The following SOD2 variants were observed in gnomAD, a reference collection of about 807,000 sequenced individuals.
SOD2 encodes the protein superoxide dismutase [Mn], mitochondrial.
Under a neutral mutation model 27.0 loss-of-function variants are expected in SOD2, and 11 were observed. The observed-to-expected ratio is 0.41, with a 90% CI of 0.26 to 0.67. SOD2 has a LOEUF of 0.67. Among genes scored for constraint, SOD2 ranks in the 30% least tolerant of loss-of-function variants. The probability of loss-of-function intolerance (pLI) is 0.34; values close to 1 mark genes in which losing one functional copy is unlikely to be tolerated. For synonymous variants in SOD2, 105 were observed against 103.0 expected, an observed-to-expected ratio of 1.02 and a Z score of -0.12; for missense variants, 250 against 274.5, an observed-to-expected ratio of 0.91 and a Z score of 0.63.
chr6:159,713,670 T>C (rs894149829), intron 1 of SOD2: 19 of 971,116 alleles, frequency 2.0e-5, no homozygotes, highest in Non-Finnish European at 2.9e-5. Context: ...GAAGCCATCG[T>C]TGGCAGTATC....
intron 1 of SOD2, among the ~76,000 whole-genome samples, chr6:159,735,222 C>T (rs1325309261): frequency 6.6e-6 from 1 of 152,174 alleles, no homozygotes; most frequent in Non-Finnish European, 1.5e-5. Context: ...CTCACTGCAA[C>T]CTCCGCCTCC....
Position 159,683,555 on chromosome 6 carries a change from A to T in SOD2, c.524-917T>A, listed in dbSNP as rs150433028. Among the ~76,000 whole-genome samples the T allele has an allele frequency of 6.6e-5, 10 of 152,300 alleles. 1 individual carries two copies. In the East Asian group the frequency reaches 1.9e-3, roughly 29 times the overall value. On this transcript the variant is annotated intron_variant, in intron 4 of 4. Transcript: ENST00000538183. ...AACAATTCTTAACCAGTATGTCTTG[A>T]TCAGTTGTGAGGGAGGTCACTAGTA...
At chr6:159,753,364 T>G in intron 1 of SOD2, 2 of 1,529,336 alleles carry the variant, frequency 1.3e-6, no homozygotes, top group Non-Finnish European at 1.8e-6. Flanking sequence ...GTGATATAGT[T>G]ATGTTTGTAT....
upstream of SOD2, among the ~76,000 whole-genome samples, chr6:159,728,263 T>G (rs1455323094): frequency 6.6e-6 from 1 of 152,184 alleles, no homozygotes; most frequent in Non-Finnish European, 1.5e-5. Context: ...GTGAGACAGT[T>G]ACTAGATTTT....
chr6:159,692,816 T>G lies in SOD2; in HGVS notation c.71A>C (p.Gln24Pro). The change falls in exon 2 of 5, where the codon CAG becomes CCG. Residue 24 changes from glutamine to proline, a missense_variant. Physicochemically the swap from Gln to Pro is moderately conservative, Grantham distance 76 (BLOSUM62 -1). Transcript: ENST00000538183. ...GGGCAGGTCGGGGAGGCTGTGCTTC[T>G]GCCTGGAGCCCAGATACCCCAAAAC... The part of the protein sequence containing the change: ...APVLGYLGSR[Q>P]KHSLPDLPYD... 1 of 1,613,804 alleles carries G rather than the reference T, an allele frequency of 6.2e-7. No homozygotes were observed. Among genetic ancestry groups the G allele is most frequent in the Non-Finnish European group, 8.5e-7 (1 of 1,179,956 alleles).
At chr6:159,725,286 G>T (rs113846311) in intron 1 of SOD2, among the ~76,000 whole-genome samples, 2 of 152,212 alleles carry the variant, frequency 1.3e-5, no homozygotes, top group African/African-American at 4.8e-5. Flanking sequence ...TTCCAGACCA[G>T]CCTGGCCAAC....
intron 1 of SOD2, chr6:159,755,301 G>C: frequency 6.2e-7 from 1 of 1,614,250 alleles, no homozygotes; most frequent in South Asian, 1.1e-5. Flanking sequence ...GGATTTCACA[G>C]GGAGGGCAAC....
Position 159,700,652 on chromosome 6 carries a change from C to CA in SOD2, c.-115-7790dup, listed in dbSNP as rs11294344. On this transcript the variant is annotated intron_variant, in intron 1 of 2. Coordinates refer to the SOD2 transcript ENST00000401980. ...CTTGGTGACGTGCGAGACTCTGTCT[C>CA]AAAAAAAAAAAAAAAAAATCAATGC... Among the ~76,000 whole-genome samples the CA allele has an allele frequency of 2.8e-3, 340 of 122,150 alleles. 2 individuals carry two copies. Among genetic ancestry groups the CA allele is most frequent in the South Asian group, 6.8e-3 (25 of 3,692 alleles). 80.1% of individuals were successfully genotyped at this position (122,150 alleles called of 152,430 possible). A position where few individuals can be genotyped will look rare whatever the true frequency, so the allele number is the denominator to read the frequency against.
intron 1 of SOD2, among the ~76,000 whole-genome samples, chr6:159,733,619 C>CA (rs572744439): frequency 0.06 from 6,711 of 112,232 alleles, 231 homozygotes; most frequent in African/African-American, 0.11. Flanking sequence ...GAGACTGTCT[C>CA]AAAAAAAAAA....
In SOD2 at chr6:159,674,116, C is replaced by T. The variant is rs887923746; in HGVS notation, c.*8377G>A. On this transcript the variant is annotated 3_prime_UTR_variant, in exon 5 of 5. Coordinates refer to ENST00000538183, the MANE Select transcript of SOD2 (RefSeq NM_000636.4). ...GAGGCAATAATTAATAGCCTACCAACCAAAAAAAGTCCAGGACAAGATGGA... is the reference window on the plus strand; with the variant it reads ...GAGGCAATAATTAATAGCCTACCAATCAAAAAAAGTCCAGGACAAGATGGA... 1 of 152,080 alleles carries T rather than the reference C, an allele frequency of 6.6e-6. No homozygotes were observed. The highest frequency in any genetic ancestry group is 1.5e-5 in the Non-Finnish European group (1 of 68,018). The allele number at this position is 152,080 out of a possible 1,614,324, so 9.4% of individuals were successfully genotyped here.
At chr6:159,712,395 CACTCACACT>C (rs1777825225) in intron 1 of SOD2, among the ~76,000 whole-genome samples, 1 of 116,244 alleles carries the variant, frequency 8.6e-6, no homozygotes, top group Non-Finnish European at 2.0e-5. Flanking sequence ...CCATAACCAC[CACTCACACT>C]GCTCTGATCA....
chr6:159,728,882 C>G (rs184371646), upstream of SOD2, among the ~76,000 whole-genome samples: 1 of 152,246 alleles, frequency 6.6e-6, no homozygotes, highest in East Asian at 1.9e-4. Flanking sequence ...AGTACTTTTT[C>G]ATTGGCAGAA....
upstream of SOD2, among the ~76,000 whole-genome samples, chr6:159,727,925 G>T (rs1015938272): frequency 6.6e-6 from 1 of 152,364 alleles, no homozygotes; most frequent in African/African-American, 2.4e-5. Context: ...CCAAGGCCCG[G>T]GTTGAGAGGG....
upstream of SOD2, among the ~76,000 whole-genome samples, chr6:159,694,761 A>AC (rs1777386560): frequency 7.1e-6 from 1 of 140,538 alleles, no homozygotes; most frequent in African/African-American, 2.6e-5. Flanking sequence ...ACGCCCCACT[A>AC]TTTTTTTTTT....
At chr6:159,756,539 C>T (rs1413369829) in intron 1 of SOD2, among the ~76,000 whole-genome samples, 3 of 138,056 alleles carry the variant, frequency 2.2e-5, no homozygotes, top group African/African-American at 7.9e-5. Context: ...ATAATTGTTA[C>T]AAAATATTTT....
At position 159,672,684 on chromosome 6, in the gene SOD2, C is replaced by T. The variant is rs567174321; in HGVS notation, c.*9809G>A. ...TGAGGCTAGGAAGAAACTGCATCAA[C>T]TAACGAGCAAAATAACCAGTGAACA... On this transcript the variant is annotated 3_prime_UTR_variant, in exon 5 of 5. Transcript: ENST00000538183. 1 of 152,170 alleles carries T rather than the reference C, an allele frequency of 6.6e-6. No homozygotes were observed. The highest frequency in any genetic ancestry group is 2.4e-5 in the African/African-American group (1 of 41,436). 9.4% of individuals were successfully genotyped at this position (152,170 alleles called of 1,614,324 possible). A position where few individuals can be genotyped will look rare whatever the true frequency, so the allele number is the denominator to read the frequency against.
At chr6:159,755,445 C>T in intron 1 of SOD2, 2 of 1,613,960 alleles carry the variant, frequency 1.2e-6, no homozygotes, top group Non-Finnish European at 1.7e-6. Context: ...GTAGACTCTC[C>T]CACGGGCAGT....
At chr6:159,699,361 A>G (rs937012737) in intron 1 of SOD2, among the ~76,000 whole-genome samples, 1 of 152,148 alleles carries the variant, frequency 6.6e-6, no homozygotes. Flanking sequence ...TCCCTTCACA[A>G]TGGCCCAGCT....
chr6:159,742,420 ACTT>A (rs1485289313), intron 1 of SOD2, among the ~76,000 whole-genome samples: 2 of 152,186 alleles, frequency 1.3e-5, no homozygotes, highest in Non-Finnish European at 2.9e-5. Flanking sequence ...ACTCAGAACT[ACTT>A]GAAACTTTTC....
Sources: gnomAD v4.1 joint callset for allele counts (sites outside exome capture counted in the v4.1 genomes callset) on GRCh38, gnomAD v4.1.1 for gene constraint, MANE v1.5 for transcripts, NCBI Gene and HGNC (gene_info 2026-07-23, HGNC 2026-07-21) for gene names.